Variants in UTRN observed in about 807,000 individuals in gnomAD.
UTRN encodes dystrophin-related protein 1.
Under a neutral mutation model 463.9 loss-of-function variants are expected in UTRN, and 283 were observed. The ratio of observed to expected loss-of-function variants is 0.61; its 90% CI spans 0.55 to 0.67. UTRN has a LOEUF of 0.67. Ranked by LOEUF, UTRN falls within the 30% of genes least tolerant of loss-of-function variation. The pLI is 0.00. For synonymous variants in UTRN, 1,442 were observed against 1,431.5 expected (o/e 1.01, Z -0.17); for missense variants, 3,922 against 4,084.3 (o/e 0.96, Z 1.08).
chr6:144,668,414 A>G (rs1174635523), intron 51 of UTRN, among the ~76,000 whole-genome samples: 1 of 152,222 alleles, frequency 6.6e-6, no homozygotes, highest in Non-Finnish European at 1.5e-5. Context: ...AAGTATTCCT[A>G]TGTAAATTTT....
chr6:144,654,024 G>T (rs1779084947), intron 51 of UTRN, among the ~76,000 whole-genome samples: 1 of 152,206 alleles, frequency 6.6e-6, no homozygotes, highest in Admixed American at 6.5e-5. Flanking sequence ...AGAGATAACG[G>T]TACAGAAAGT....
intron 53 of UTRN, among the ~76,000 whole-genome samples, chr6:144,702,930 A>G (rs545689726): frequency 2.6e-5 from 4 of 152,296 alleles, no homozygotes; most frequent in East Asian, 3.9e-4. Flanking sequence ...ATTTTACTCA[A>G]TGAGAGAGGA....
chr6:144,514,158 A>G, intron 36 of UTRN, 121 bp downstream of exon 36: 2 of 1,330,938 alleles, frequency 1.5e-6, no homozygotes, highest in Non-Finnish European at 2.1e-6. Flanking sequence ...ATTCATTAAC[A>G]TTTATTTTGA....
chr6:144,716,450 A>G (rs1456373411), intron 53 of UTRN, among the ~76,000 whole-genome samples: 2 of 152,170 alleles, frequency 1.3e-5, no homozygotes, highest in Non-Finnish European at 2.9e-5. Context: ...CAAGTCATTG[A>G]AGCAAAATAT....
At chr6:144,666,804 G>A (rs1209058996) in intron 51 of UTRN, among the ~76,000 whole-genome samples, 1 of 152,126 alleles carries the variant, frequency 6.6e-6, no homozygotes, top group Non-Finnish European at 1.5e-5. Context: ...AGAAAGGTTT[G>A]TGGAACTGCT....
intron 2 of UTRN, among the ~76,000 whole-genome samples, chr6:144,375,153 C>T (rs1780346649): frequency 6.6e-6 from 1 of 152,004 alleles, no homozygotes; most frequent in Non-Finnish European, 1.5e-5. Context: ...AAATATTTTA[C>T]GTAAAATACA....
chr6:144,516,498 AT>A, intron 38 of UTRN, 111 bp downstream of exon 38: 1 of 1,253,444 alleles, frequency 8.0e-7, no homozygotes, highest in Non-Finnish European at 1.1e-6. Flanking sequence ...GATGAAACAG[AT>A]TCAAATGTGA....
chr6:144,826,591 C>G (rs189590019), intron 66 of UTRN, among the ~76,000 whole-genome samples: 1 of 152,058 alleles, frequency 6.6e-6, no homozygotes, highest in South Asian at 2.1e-4. Flanking sequence ...ATATGACATC[C>G]CCAGCATTAA....
chr6:144,516,926 A>T lies in UTRN; in HGVS notation c.5519A>T (p.His1840Leu), dbSNP rs978275365. 2.0e-6 allele frequency: 3 copies of T among 1,486,674 alleles called. No individual in the cohort carries two copies. The highest frequency in any genetic ancestry group is 2.7e-6 in the Non-Finnish European group (3 of 1,122,768). The allele number at this position is 1,486,674 out of a possible 1,614,324, so 92.1% of individuals were successfully genotyped here. A position where few individuals can be genotyped will look rare whatever the true frequency, so the allele number is the denominator to read the frequency against. The change falls in exon 39 of 75, where the codon CAT becomes CTT. Residue 1840 changes from histidine (H) to leucine (L), a missense_variant. His to Leu is a moderately conservative substitution (Grantham distance 99, BLOSUM62 -3). Transcript: ENST00000367545. ...EKIRLQLLLL[H>L]TRYNKIKAIP... ...ATCCGTTTGCAATTATTACTTTTGC[A>T]TACTAGATACAACAAAATTAAGGTA... is the stretch of plus-strand genomic sequence containing the variant.
intron 53 of UTRN, among the ~76,000 whole-genome samples, chr6:144,707,507 T>C (rs1247955037): frequency 6.6e-6 from 1 of 152,226 alleles, no homozygotes; most frequent in East Asian, 1.9e-4. Flanking sequence ...GTGAGGCTAT[T>C]AATTGAAAGA....
intron 23 of UTRN, among the ~76,000 whole-genome samples, chr6:144,465,486 C>T (rs1789858997): frequency 6.6e-6 from 1 of 152,178 alleles, no homozygotes; most frequent in East Asian, 1.9e-4. Flanking sequence ...TTTGTTGTTA[C>T]AGTAGCAGAT....
intron 2 of UTRN, among the ~76,000 whole-genome samples, chr6:144,293,491 A>G (rs1253574074): frequency 2.6e-5 from 4 of 152,174 alleles, no homozygotes; most frequent in Non-Finnish European, 5.9e-5. Context: ...AAAAATGATA[A>G]CATGTTTTTA....
intron 53 of UTRN, among the ~76,000 whole-genome samples, chr6:144,706,541 A>G (rs180981352): frequency 9.2e-5 from 14 of 152,272 alleles, no homozygotes; most frequent in African/African-American, 3.1e-4. Context: ...TCAATTCTCT[A>G]TTTAAAGCAT....
At chr6:144,418,461 G>C (rs949509234) in intron 3 of UTRN, among the ~76,000 whole-genome samples, 17 of 151,594 alleles carry the variant, frequency 1.1e-4, no homozygotes, top group African/African-American at 4.1e-4. Flanking sequence ...CTGACCTCGT[G>C]GTCCGCCCGC....
At chr6:144,596,561 A>G (rs1447161363) in intron 51 of UTRN, among the ~76,000 whole-genome samples, 1 of 152,134 alleles carries the variant, frequency 6.6e-6, no homozygotes, top group Non-Finnish European at 1.5e-5. Context: ...ACCAAAGTGT[A>G]TTTTATATGT....
intron 58 of UTRN, 107 bp downstream of exon 58, chr6:144,758,096 T>C: frequency 1.1e-6 from 1 of 883,922 alleles, no homozygotes; most frequent in Non-Finnish European, 1.7e-6. Flanking sequence ...TCAGTCCTAT[T>C]ATCTGAAAGA....
At chr6:144,612,399 G>A (rs1393848816) in intron 51 of UTRN, among the ~76,000 whole-genome samples, 1 of 152,000 alleles carries the variant, frequency 6.6e-6, no homozygotes, top group African/African-American at 2.4e-5. Flanking sequence ...CACAGCAAAG[G>A]CAGCAATCAA....
chr6:144,583,959 A>C (rs1183079916), intron 51 of UTRN, among the ~76,000 whole-genome samples: 2 of 152,210 alleles, frequency 1.3e-5, no homozygotes, highest in Non-Finnish European at 1.5e-5. Flanking sequence ...AAATTTTAGT[A>C]AAATTAAAAG....
chr6:144,540,322 C>T (rs1173329269), intron 45 of UTRN, among the ~76,000 whole-genome samples: 2 of 152,026 alleles, frequency 1.3e-5, no homozygotes, highest in African/African-American at 4.8e-5. Context: ...CTGTATAGGA[C>T]ATTGAATGGA....
Sources: gnomAD v4.1 joint callset for allele counts (sites outside exome capture counted in the v4.1 genomes callset) on GRCh38, gnomAD v4.1.1 for gene constraint, MANE v1.5 for transcripts, NCBI Gene and HGNC (gene_info 2026-07-23, HGNC 2026-07-21) for gene names.